LRRC63: variants seen among roughly 807,000 people sequenced by gnomAD.
LRRC63 encodes the protein leucine rich repeat containing 63, also known as leucine-rich repeat-containing protein 63.
LRRC63 carries 40 observed loss-of-function variants against 49.5 expected under a neutral mutation model. That is an observed-to-expected ratio of 0.81 (90% CI 0.63 to 1.05). LRRC63 has a LOEUF of 1.05. LRRC63 is among the 50% of genes least tolerant of loss of function. LRRC63 has a pLI of 0.00. For synonymous variants in LRRC63, 191 were observed against 221.1 expected, an observed-to-expected ratio of 0.86 and a Z score of 1.21; for missense variants, 636 against 663.1, an observed-to-expected ratio of 0.96 and a Z score of 0.45.
exon 3 of LRRC63, chr13:46,227,734 C>T: frequency 1.3e-6 from 2 of 1,550,518 alleles, no homozygotes; most frequent in East Asian, 2.4e-5. Context: ...ATTCCAGATA[C>T]TGCTACTGGT....
intron 4 of LRRC63, among the ~76,000 whole-genome samples, chr13:46,229,667 G>A (rs2046686442): frequency 6.6e-6 from 1 of 152,168 alleles, no homozygotes; most frequent in Admixed American, 6.5e-5. Context: ...TGCAGCTGTA[G>A]TCTCAGTTCT....
chr13:46,273,911 CAAA>C (rs34967125), intron 9 of LRRC63, among the ~76,000 whole-genome samples: 8 of 100,746 alleles, frequency 7.9e-5, no homozygotes, highest in Admixed American at 2.0e-4. Context: ...GACTCTGTCT[CAAA>C]AAAAAAAAAA....
At chr13:46,220,324 G>A (rs1053098199) in intron 2 of LRRC63, among the ~76,000 whole-genome samples, 2 of 152,222 alleles carry the variant, frequency 1.3e-5, no homozygotes, top group Non-Finnish European at 1.5e-5. Context: ...GGAATCTAGA[G>A]AGGCAGTCTG....
chr13:46,258,467 A>G (rs1009060329), intron 7 of LRRC63, among the ~76,000 whole-genome samples: 7 of 151,456 alleles, frequency 4.6e-5, no homozygotes, highest in Non-Finnish European at 1.0e-4. Context: ...CTGAAAGTTT[A>G]GAAAACTTAT....
Position 46,222,440 on chromosome 13 carries a change from A to G in LRRC63, c.86-5072A>G, listed in dbSNP as rs542701460. Among the ~76,000 whole-genome samples, 14 of 152,332 alleles carry G rather than the reference A, an allele frequency of 9.2e-5. No homozygotes were observed. The South Asian group carries it at 2.5e-3, about 27-fold the overall frequency. On this transcript the variant is annotated intron_variant, in intron 2 of 9. Coordinates refer to ENST00000595396, the Ensembl canonical transcript of LRRC63. ...ATCCATTTCGAGTTGATTGTTGTAT[A>G]TGGTAAGAGATAGGGATCCAGTTTC...
intron 9 of LRRC63, among the ~76,000 whole-genome samples, chr13:46,274,157 A>C (rs1048900549): frequency 5.3e-5 from 8 of 152,284 alleles, no homozygotes; most frequent in African/African-American, 1.9e-4. Context: ...GATCCAAAGT[A>C]ATAAGTATGG....
chr13:46,261,950 A>G (rs1468088690), exon 8 of LRRC63: 71 of 1,183,956 alleles, frequency 6.0e-5, no homozygotes, highest in Non-Finnish European at 7.3e-5. Flanking sequence ...GATGTTTCCT[A>G]TAATGAACTT....
intron 1 of LRRC63, 104 bp downstream of exon 1, chr13:46,212,363 A>G (rs1235193149): frequency 2.6e-5 from 4 of 152,296 alleles, no homozygotes; most frequent in Admixed American, 2.6e-4. Flanking sequence ...CTAAAAGCAC[A>G]TTTTGGGGGT....
chr13:46,271,906 G>T (rs1404217190), intron 9 of LRRC63, among the ~76,000 whole-genome samples: 2 of 151,650 alleles, frequency 1.3e-5, no homozygotes, highest in African/African-American at 4.8e-5. Context: ...TATAAATTAG[G>T]CACAGTAAGA....
chr13:46,227,663 AC>A lies in LRRC63; in HGVS notation c.238del (p.Gln80LysfsTer4), dbSNP rs931183246. On this transcript the variant is annotated frameshift_variant, in exon 3 of 10. Transcript: ENST00000595396. LOFTEE classifies it high-confidence loss of function. The stretch of plus-strand genomic sequence containing the variant: ...AAAATATCTTTCTTGATCACTGTGT[AC>A]AAGAAAGAGTGACTGCAATTTCATC... The A allele has an allele frequency of 6.5e-7, 1 of 1,550,220 alleles. No homozygotes were observed. The highest frequency in any genetic ancestry group is 1.4e-5 in the African/African-American group (1 of 73,030).
intron 9 of LRRC63, among the ~76,000 whole-genome samples, chr13:46,274,810 C>T (rs907024424): frequency 1.3e-5 from 2 of 152,030 alleles, no homozygotes; most frequent in Admixed American, 1.3e-4. Flanking sequence ...ATAAAATCAG[C>T]TTAGTATATC....
intron 6 of LRRC63, among the ~76,000 whole-genome samples, chr13:46,247,164 G>T (rs754971506): frequency 6.6e-6 from 1 of 152,034 alleles, no homozygotes; most frequent in Non-Finnish European, 1.5e-5. Flanking sequence ...GTAATTGGTG[G>T]TTTTGTGAAT....
At chr13:46,219,969 A>G (rs1390894753) in intron 2 of LRRC63, among the ~76,000 whole-genome samples, 1 of 152,080 alleles carries the variant, frequency 6.6e-6, no homozygotes, top group Non-Finnish European at 1.5e-5. Flanking sequence ...TGCTTCTTCC[A>G]CTGGAAGCTT....
At chr13:46,253,885 C>T (rs2138540867) in intron 7 of LRRC63, among the ~76,000 whole-genome samples, 1 of 152,212 alleles carries the variant, frequency 6.6e-6, no homozygotes, top group South Asian at 2.1e-4. Context: ...TTTTTCATCA[C>T]AATTCTGGAC....
chr13:46,230,413 C>T (rs748773302), intron 4 of LRRC63, among the ~76,000 whole-genome samples: 18 of 152,092 alleles, frequency 1.2e-4, no homozygotes, highest in Non-Finnish European at 7.4e-5. Flanking sequence ...CATGATAGAC[C>T]GTCTGCTAGT....
intron 7 of LRRC63, among the ~76,000 whole-genome samples, chr13:46,256,058 A>C (rs2047504592): frequency 6.6e-6 from 1 of 152,218 alleles, no homozygotes; most frequent in Non-Finnish European, 1.5e-5. Flanking sequence ...TTTAATGATG[A>C]CCTCATGTCA....
intron 9 of LRRC63, among the ~76,000 whole-genome samples, chr13:46,274,788 T>G (rs2047809506): frequency 6.6e-6 from 1 of 152,210 alleles, no homozygotes; most frequent in African/African-American, 2.4e-5. Context: ...TACATGTATA[T>G]AGTATGTAAT....
At chr13:46,227,848 A>T (rs2046622619) in exon 3 of LRRC63, 5 of 1,550,316 alleles carry the variant, frequency 3.2e-6, no homozygotes, top group Non-Finnish European at 4.4e-6. Context: ...AAAGATGTTT[A>T]TACTGAAAAA....
In LRRC63 at chr13:46,218,739, C is replaced by T. The variant is rs185194700; in HGVS notation, c.85+5620C>T. Among the ~76,000 whole-genome samples the T allele has an allele frequency of 2.5e-3, 376 of 152,198 alleles. 1 individual carries two copies. The highest frequency in any genetic ancestry group is 8.8e-3 in the African/African-American group (367 of 41,532). On this transcript the variant is annotated intron_variant, in intron 2 of 9. Transcript: ENST00000595396. ...TGGTATGTTTTTGCAGTGGCTGGTA[C>T]CAGTTTTTACCTTCCATATTTAATG...
Sources: gnomAD v4.1 joint callset for allele counts (sites outside exome capture counted in the v4.1 genomes callset) on GRCh38, gnomAD v4.1.1 for gene constraint, MANE v1.5 for transcripts, NCBI Gene and HGNC (gene_info 2026-07-23, HGNC 2026-07-21) for gene names.